ZCCHC17: variants seen among roughly 807,000 people sequenced by gnomAD.
ZCCHC17 encodes zinc finger CCHC-type containing 17, also known as zinc finger CCHC domain-containing protein 17.
A neutral mutation model predicts 30.6 loss-of-function variants in ZCCHC17; 18 were observed. That is an observed-to-expected ratio of 0.59 (90% CI 0.41 to 0.87). The LOEUF (loss-of-function observed/expected upper bound fraction) is 0.87. Among genes scored for constraint, ZCCHC17 ranks in the 40% least tolerant of loss-of-function variants. The pLI, the probability that ZCCHC17 is intolerant of heterozygous loss-of-function variation, is 0.00. For missense variants in ZCCHC17, 263 were observed against 284.2 expected (o/e 0.93, Z 0.54); for synonymous variants, 88 against 92.4 (o/e 0.95, Z 0.27).
intron 7 of ZCCHC17, among the ~76,000 whole-genome samples, chr1:31,354,491 C>G (rs2148476402): frequency 1.3e-5 from 2 of 152,166 alleles, no homozygotes; most frequent in Admixed American, 1.3e-4. Context: ...GCTGCCTTGA[C>G]GTCCTGGGCT....
At chr1:31,351,411 G>C (rs1016521468) in intron 7 of ZCCHC17, among the ~76,000 whole-genome samples, 1 of 151,716 alleles carries the variant, frequency 6.6e-6, no homozygotes, top group Admixed American at 6.6e-5. Context: ...CTACCTCTTA[G>C]GTACCATGTT....
At position 31,315,911 on chromosome 1, in the gene ZCCHC17, A is replaced by G. The variant is rs116343796; in HGVS notation, c.67-3198A>G. 7.0e-3 allele frequency among the ~76,000 whole-genome samples: 1,063 copies of G among 152,318 alleles called. 16 individuals are homozygous for G. The highest frequency in any genetic ancestry group is 0.024 in the African/African-American group (1,018 of 41,556). On this transcript the variant is annotated intron_variant, in intron 2 of 7. Coordinates refer to ENST00000344147, the MANE Select transcript of ZCCHC17 (RefSeq NM_016505.4). ...TGCTAGAAATCTGAAACAATGCCTA[A>G]ACAGTTGAGTGCATCCATTCTGGAG... is the stretch of plus-strand genomic sequence containing the variant.
chr1:31,301,969 T>C (rs954285707), intron 1 of ZCCHC17, among the ~76,000 whole-genome samples: 1 of 152,332 alleles, frequency 6.6e-6, no homozygotes, highest in South Asian at 2.1e-4. Flanking sequence ...GGTTCACACC[T>C]GTAATCCTAA....
chr1:31,314,887 G>A (rs1264793392), intron 2 of ZCCHC17, among the ~76,000 whole-genome samples: 9 of 151,974 alleles, frequency 5.9e-5, no homozygotes, highest in Non-Finnish European at 1.0e-4. Flanking sequence ...GGCTGGTCTC[G>A]AACTCCTGAC....
At position 31,341,425 on chromosome 1, in the gene ZCCHC17, C is replaced by T. The variant is rs977134215; in HGVS notation, c.317+2377C>T. Among the ~76,000 whole-genome samples, 4 of 152,146 alleles carry T rather than the reference C, an allele frequency of 2.6e-5. No homozygotes were observed. In the East Asian group the frequency reaches 7.7e-4, roughly 29 times the overall value. Reference sequence around the variant, plus strand: ...AAAATAGTGAAATTTCCCAAAGCCACCCTTACAGTGATAAAATATAAAACA... The same window carrying T: ...AAAATAGTGAAATTTCCCAAAGCCATCCTTACAGTGATAAAATATAAAACA... On this transcript the variant is annotated intron_variant, in intron 5 of 7. Coordinates refer to ENST00000344147, the MANE Select transcript of ZCCHC17 (RefSeq NM_016505.4).
intron 7 of ZCCHC17, among the ~76,000 whole-genome samples, chr1:31,353,259 A>G (rs1187672370): frequency 6.6e-6 from 1 of 152,072 alleles, no homozygotes; most frequent in Non-Finnish European, 1.5e-5. Context: ...AATTTTTTAT[A>G]TGTTCTGGAT....
chr1:31,310,359 A>G (rs1381122862), intron 2 of ZCCHC17, among the ~76,000 whole-genome samples, 195 bp downstream of exon 2: 1 of 152,244 alleles, frequency 6.6e-6, no homozygotes, highest in African/African-American at 2.4e-5. Context: ...TGACATCGTC[A>G]TTGGAATACC....
chr1:31,300,886 T>C (rs1193051007), intron 1 of ZCCHC17, among the ~76,000 whole-genome samples: 2 of 150,158 alleles, frequency 1.3e-5, no homozygotes, highest in Non-Finnish European at 3.0e-5. Flanking sequence ...TGAGCTAAGA[T>C]CGCGCCATTG....
intron 3 of ZCCHC17, among the ~76,000 whole-genome samples, chr1:31,336,557 C>T (rs996094205): frequency 2.0e-5 from 3 of 152,094 alleles, no homozygotes; most frequent in Admixed American, 6.5e-5. Flanking sequence ...GATGGGGTCT[C>T]GTTATGTTGA....
At chr1:31,298,945 A>G (rs903698159) in intron 1 of ZCCHC17, among the ~76,000 whole-genome samples, 3 of 152,252 alleles carry the variant, frequency 2.0e-5, no homozygotes, top group Admixed American at 6.5e-5. Flanking sequence ...GGACTGGAAG[A>G]ATGTCTCAGA....
chr1:31,329,569 C>T (rs1638496105), intron 3 of ZCCHC17, among the ~76,000 whole-genome samples: 2 of 152,140 alleles, frequency 1.3e-5, no homozygotes, highest in South Asian at 4.2e-4. Context: ...TCCCTTGCTG[C>T]CCTCAGATTG....
intron 2 of ZCCHC17, among the ~76,000 whole-genome samples, chr1:31,318,411 C>G (rs1013096237): frequency 1.3e-5 from 2 of 152,174 alleles, no homozygotes; most frequent in African/African-American, 2.4e-5. Context: ...CCTTTCATCA[C>G]TAACATTTAT....
chr1:31,347,614 T>C (rs981129712), intron 6 of ZCCHC17, among the ~76,000 whole-genome samples: 7 of 152,132 alleles, frequency 4.6e-5, no homozygotes, highest in Admixed American at 3.9e-4. Context: ...ACAGAGTACT[T>C]TACAGATAGC....
At chr1:31,337,973 T>G (rs1638886780) in intron 4 of ZCCHC17, among the ~76,000 whole-genome samples, 1 of 151,808 alleles carries the variant, frequency 6.6e-6, no homozygotes, top group African/African-American at 2.4e-5. Context: ...TAGAGACAAT[T>G]TTTCTTTCTT....
At chr1:31,349,322 ACT>A (rs1180744590) in intron 7 of ZCCHC17, among the ~76,000 whole-genome samples, 2 of 151,828 alleles carry the variant, frequency 1.3e-5, no homozygotes, top group African/African-American at 4.8e-5. Context: ...ACCCAAAGAG[ACT>A]CTTATTGGCA....
chr1:31,312,803 A>T (rs1480805065), intron 2 of ZCCHC17, among the ~76,000 whole-genome samples: 2 of 152,188 alleles, frequency 1.3e-5, no homozygotes, highest in East Asian at 3.8e-4. Flanking sequence ...CTTGTTGCCC[A>T]GGTTGGAGTG....
intron 7 of ZCCHC17, among the ~76,000 whole-genome samples, chr1:31,363,195 T>C (rs1043306269): frequency 4.7e-5 from 7 of 150,504 alleles, no homozygotes; most frequent in Non-Finnish European, 8.9e-5. Flanking sequence ...TTTTTTTTTT[T>C]TTTTTTGAGA....
intron 4 of ZCCHC17, among the ~76,000 whole-genome samples, chr1:31,338,507 ATG>A (rs1638908576): frequency 6.6e-6 from 1 of 152,178 alleles, no homozygotes; most frequent in Non-Finnish European, 1.5e-5. Context: ...GAAGTGCTTC[ATG>A]TGCTGCGGGA....
chr1:31,298,116 A>G (rs1057337963), intron 1 of ZCCHC17, among the ~76,000 whole-genome samples: 2 of 152,190 alleles, frequency 1.3e-5, no homozygotes, highest in Non-Finnish European at 2.9e-5. Context: ...ACCACTTGGG[A>G]TATGCAGTAA....
Sources: gnomAD v4.1 joint callset for allele counts (sites outside exome capture counted in the v4.1 genomes callset) on GRCh38, gnomAD v4.1.1 for gene constraint, MANE v1.5 for transcripts, NCBI Gene and HGNC (gene_info 2026-07-23, HGNC 2026-07-21) for gene names.